SLC44A5: variants seen among roughly 807,000 people sequenced by gnomAD.
SLC44A5 encodes the protein solute carrier family 44 member 5, also known as choline transporter-like protein 5.
In SLC44A5, 57 loss-of-function variants were observed where a neutral mutation model predicts 101.8. The observed-to-expected ratio is 0.56, with a 90% CI of 0.45 to 0.70. The LOEUF (loss-of-function observed/expected upper bound fraction) is 0.70, where lower values mean the gene tolerates loss of function less well. Among genes scored for constraint, SLC44A5 ranks in the 30% least tolerant of loss-of-function variants. The pLI is 0.00. For missense variants in SLC44A5, 737 were observed against 853.1 expected (o/e 0.86, Z 1.70); for synonymous variants, 281 against 290.9 (o/e 0.97, Z 0.35).
At chr1:75,476,458 C>G (rs1013464245) in intron 2 of SLC44A5, among the ~76,000 whole-genome samples, 15 of 152,194 alleles carry the variant, frequency 9.9e-5, no homozygotes, top group Admixed American at 7.8e-4. Context: ...CATTGCCTCA[C>G]TCGGGAAGTG....
intron 5 of SLC44A5, among the ~76,000 whole-genome samples, chr1:75,281,058 G>C (rs746866596): frequency 1.8e-4 from 28 of 152,060 alleles, no homozygotes; most frequent in Non-Finnish European, 3.7e-4. Context: ...CTCAGAAGAA[G>C]ACAGGAAAAT....
the SLC44A5 span, among the ~76,000 whole-genome samples, chr1:75,690,090 T>C: frequency 9.2e-5 from 14 of 152,092 alleles, no homozygotes; most frequent in African/African-American, 3.4e-4. Context: ...GAATAAGGAA[T>C]GGTGTTTTAG....
intron 4 of SLC44A5, among the ~76,000 whole-genome samples, chr1:75,322,021 GAT>G (rs1424454054): frequency 6.6e-6 from 1 of 152,114 alleles, no homozygotes; most frequent in African/African-American, 2.4e-5. Flanking sequence ...TCTTTAAAAG[GAT>G]TGTTTACAGG....
chr1:75,509,901 G>A (rs551731176), intron 2 of SLC44A5, among the ~76,000 whole-genome samples: 1 of 152,216 alleles, frequency 6.6e-6, no homozygotes, highest in East Asian at 1.9e-4. Flanking sequence ...CCCGAGACTG[G>A]GTAATTTATA....
chr1:75,288,125 GA>G (rs1653227177), intron 5 of SLC44A5, among the ~76,000 whole-genome samples: 1 of 152,098 alleles, frequency 6.6e-6, no homozygotes, highest in African/African-American at 2.4e-5. Flanking sequence ...TTTTATATTT[GA>G]AGGAAATAAT....
intron 6 of SLC44A5, among the ~76,000 whole-genome samples, chr1:75,271,497 T>TTTTTTTTGTGTGTGGG (rs1553152601): frequency 6.8e-6 from 1 of 146,304 alleles, no homozygotes; most frequent in African/African-American, 2.5e-5. Context: ...TCTGCATGTT[T>TTTTTTTTGTGTGTGGG]TGTGTGTGTG....
At chr1:75,661,468 A>T in the SLC44A5 span, among the ~76,000 whole-genome samples, 1 of 150,182 alleles carries the variant, frequency 6.7e-6, no homozygotes, top group East Asian at 2.0e-4. Context: ...TTGGGGTAAG[A>T]CTTCAAAAGC....
intron 22 of SLC44A5, among the ~76,000 whole-genome samples, chr1:75,213,503 CT>C (rs1553141135): frequency 6.6e-6 from 1 of 152,198 alleles, no homozygotes; most frequent in Admixed American, 6.5e-5. Flanking sequence ...CTCTCTCTCT[CT>C]CCCCACCATG....
the SLC44A5 span, among the ~76,000 whole-genome samples, chr1:75,628,246 T>C: frequency 3.9e-5 from 6 of 152,182 alleles, no homozygotes; most frequent in Admixed American, 1.3e-4. Flanking sequence ...CTTCCCAATT[T>C]GTTTCACTGC....
chr1:75,506,368 T>A (rs1435161886), intron 2 of SLC44A5, among the ~76,000 whole-genome samples: 1 of 152,204 alleles, frequency 6.6e-6, no homozygotes, highest in Non-Finnish European at 1.5e-5. Context: ...TTTAGAATAG[T>A]TTGTTTCTAA....
the SLC44A5 span, among the ~76,000 whole-genome samples, chr1:75,678,072 C>A: frequency 0.016 from 2,390 of 152,318 alleles, 73 homozygotes; most frequent in African/African-American, 0.053. Flanking sequence ...GAAAACGGCG[C>A]ACCACGAGAT....
chr1:75,537,033 A>AAAAAAAAAAAAAAAAATATATATAT (rs35829590), intron 2 of SLC44A5, among the ~76,000 whole-genome samples: 4 of 43,042 alleles, frequency 9.3e-5, no homozygotes, highest in Non-Finnish European at 2.3e-4. Flanking sequence ...AAAAAAAAAA[A>AAAAAAAAAAAAAAAAATATATATAT]ATATATATCT....
At chr1:75,690,228 GAAGGCGAAAC>G in the SLC44A5 span, among the ~76,000 whole-genome samples, 5 of 152,270 alleles carry the variant, frequency 3.3e-5, no homozygotes, top group South Asian at 8.3e-4. Context: ...GGCAGAAGGT[GAAGGCGAAAC>G]AAGGCATGTC....
At chr1:75,661,901 A>G in the SLC44A5 span, among the ~76,000 whole-genome samples, 2 of 152,118 alleles carry the variant, frequency 1.3e-5, no homozygotes, top group South Asian at 4.1e-4. Flanking sequence ...GTTGGTAGAA[A>G]TGTAAATTAG....
the SLC44A5 span, among the ~76,000 whole-genome samples, chr1:75,700,680 G>C: frequency 3.3e-5 from 5 of 152,098 alleles, no homozygotes; most frequent in African/African-American, 4.8e-5. Flanking sequence ...AGGAAATAGA[G>C]ACACAAAAAA....
intron 1 of SLC44A5, among the ~76,000 whole-genome samples, chr1:75,600,852 A>G (rs985667960): frequency 1.1e-4 from 16 of 152,176 alleles, no homozygotes; most frequent in African/African-American, 3.6e-4. Context: ...CTAGGTTTCT[A>G]TAAGTACATT....
chr1:75,280,295 TATATTGTATATATA>T lies in SLC44A5; in HGVS notation c.176-5267_176-5254del, dbSNP rs1652354040. ...TATATAATATATATTGTATATATTA[TATATTGTATATATA>T]ATATATATTGTATATATTATATATT... On this transcript the variant is annotated intron_variant, in intron 5 of 23. Transcript: ENST00000370859. 3.9e-5 allele frequency among the ~76,000 whole-genome samples: 2 copies of T among 51,366 alleles called. 1 individual carries two copies. Among genetic ancestry groups the T allele is most frequent in the South Asian group, 1.3e-3 (2 of 1,484 alleles). The allele number at this position is 51,366 out of a possible 152,430, so 33.7% of individuals were successfully genotyped here. A position where few individuals can be genotyped will look rare whatever the true frequency, so the allele number is the denominator to read the frequency against.
intron 5 of SLC44A5, 118 bp from the exon 6 acceptor site, chr1:75,275,160 A>G (rs1144298): frequency 0.39 from 256,610 of 651,696 alleles, 57,153 homozygotes; most frequent in East Asian, 0.85. Flanking sequence ...GTCACAGAAG[A>G]TTATTGATTT....
At chr1:75,358,227 T>G (rs1659225330) in intron 3 of SLC44A5, among the ~76,000 whole-genome samples, 1 of 152,146 alleles carries the variant, frequency 6.6e-6, no homozygotes, top group Admixed American at 6.5e-5. Flanking sequence ...AAAAAATACT[T>G]GAAATAATGT....
Sources: allele counts gnomAD v4.1 joint callset (sites outside exome capture counted in the v4.1 genomes callset), GRCh38; gene constraint gnomAD v4.1.1; transcripts MANE v1.5; gene names NCBI Gene and HGNC (gene_info 2026-07-23, HGNC 2026-07-21).